RETREG1: variants seen among roughly 807,000 people sequenced by gnomAD.
RETREG1 encodes the protein reticulophagy regulator 1.
RETREG1 carries 44 observed loss-of-function variants against 54.8 expected under a neutral mutation model. The observed-to-expected ratio is 0.80, with a 90% confidence interval of 0.63 to 1.03. The LOEUF is 1.03. Ranked by LOEUF, RETREG1 falls within the 50% of genes least tolerant of loss-of-function variation. The pLI is 0.00. For missense variants in RETREG1, 554 were observed against 605.1 expected (o/e 0.92, Z 0.89); for synonymous variants, 217 against 238.5 (o/e 0.91, Z 0.83).
intron 6 of RETREG1, 100 bp downstream of exon 6, chr5:16,478,750 A>C: frequency 8.8e-7 from 1 of 1,131,442 alleles, no homozygotes; most frequent in South Asian, 1.3e-5. Context: ...ATATTTAGTA[A>C]AAAGCTAAAA....
intron 3 of RETREG1, among the ~76,000 whole-genome samples, chr5:16,527,022 G>A (rs1240379408): frequency 6.6e-6 from 1 of 152,250 alleles, no homozygotes; most frequent in Admixed American, 6.5e-5. Context: ...GGACAACTCT[G>A]CAAGGTGTGG....
At chr5:16,540,954 C>T (rs1285943982) in intron 3 of RETREG1, among the ~76,000 whole-genome samples, 2 of 152,202 alleles carry the variant, frequency 1.3e-5, no homozygotes, top group African/African-American at 4.8e-5. Context: ...AGTCAACTGA[C>T]AGGTAAACAA....
At chr5:16,602,776 G>C (rs771331426) in intron 1 of RETREG1, among the ~76,000 whole-genome samples, 1 of 152,128 alleles carries the variant, frequency 6.6e-6, no homozygotes, top group Non-Finnish European at 1.5e-5. Context: ...GGGAGGCCAA[G>C]GTGGGCAGAT....
At chr5:16,545,426 GA>G (rs1290734366) in intron 3 of RETREG1, among the ~76,000 whole-genome samples, 2 of 152,230 alleles carry the variant, frequency 1.3e-5, no homozygotes, top group Admixed American at 6.5e-5. Flanking sequence ...GTCCCTTAAG[GA>G]AGCTTTGGTG....
chr5:16,589,555 G>A (rs796407625), intron 1 of RETREG1, among the ~76,000 whole-genome samples: 6 of 152,032 alleles, frequency 3.9e-5, no homozygotes, highest in South Asian at 2.1e-4. Context: ...TAGTAGAGAC[G>A]GGGCTTCACC....
chr5:16,569,867 T>C (rs963073598), intron 2 of RETREG1, among the ~76,000 whole-genome samples: 1 of 152,180 alleles, frequency 6.6e-6, no homozygotes, highest in Non-Finnish European at 1.5e-5. Context: ...AAGTTTGACA[T>C]AGACAGAAGA....
At chr5:16,587,256 A>G (rs1482261046) in intron 1 of RETREG1, among the ~76,000 whole-genome samples, 1 of 152,194 alleles carries the variant, frequency 6.6e-6, no homozygotes, top group African/African-American at 2.4e-5. Context: ...TTGATGTGTA[A>G]TCAAAGCCCA....
At chr5:16,588,904 C>G (rs1205273531) in intron 1 of RETREG1, among the ~76,000 whole-genome samples, 3 of 152,196 alleles carry the variant, frequency 2.0e-5, no homozygotes, top group Non-Finnish European at 4.4e-5. Flanking sequence ...ATCTACTGAG[C>G]AGTGAATTAG....
intron 3 of RETREG1, among the ~76,000 whole-genome samples, chr5:16,531,989 A>G (rs1424506845): frequency 6.6e-6 from 1 of 152,180 alleles, no homozygotes; most frequent in Admixed American, 6.5e-5. Flanking sequence ...AGGTGCAGAC[A>G]TTGCTGGAAT....
intron 3 of RETREG1, among the ~76,000 whole-genome samples, chr5:16,528,079 G>A (rs1199369938): frequency 1.3e-5 from 2 of 151,944 alleles, no homozygotes; most frequent in Admixed American, 6.6e-5. Flanking sequence ...AAAATGCTGG[G>A]ATTACAGGCG....
chr5:16,599,136 A>C (rs1408182840), intron 1 of RETREG1, among the ~76,000 whole-genome samples: 1 of 152,186 alleles, frequency 6.6e-6, no homozygotes, highest in Admixed American at 6.5e-5. Flanking sequence ...TGAGCCCGGA[A>C]GTGGAGGTTG....
At chr5:16,571,903 A>T in intron 2 of RETREG1, 93 bp downstream of exon 2, 1 of 895,536 alleles carries the variant, frequency 1.1e-6, no homozygotes, top group Middle Eastern at 2.2e-4. Flanking sequence ...GCTTCTGTTC[A>T]AAGGACTAAT....
At chr5:16,609,941 A>C (rs1743293513) in intron 1 of RETREG1, among the ~76,000 whole-genome samples, 1 of 152,180 alleles carries the variant, frequency 6.6e-6, no homozygotes, top group Non-Finnish European at 1.5e-5. Context: ...CATGTATTGA[A>C]TCACCTAGAG....
At chr5:16,525,618 C>T (rs1740690890) in intron 3 of RETREG1, among the ~76,000 whole-genome samples, 1 of 152,174 alleles carries the variant, frequency 6.6e-6, no homozygotes, top group Admixed American at 6.5e-5. Flanking sequence ...TACAGATCCC[C>T]AGACAAACAT....
intron 1 of RETREG1, among the ~76,000 whole-genome samples, chr5:16,603,027 CA>C (rs937194767): frequency 6.6e-6 from 1 of 152,012 alleles, no homozygotes; most frequent in African/African-American, 2.4e-5. Flanking sequence ...AACAAACAAA[CA>C]AACAAAACAG....
chr5:16,480,447 T>C (rs1381385159), intron 5 of RETREG1, among the ~76,000 whole-genome samples: 3 of 152,152 alleles, frequency 2.0e-5, no homozygotes, highest in Non-Finnish European at 2.9e-5. Context: ...TTTATGTCTT[T>C]GTACTTTCAT....
At chr5:16,489,433 G>T (rs1218244301) in intron 3 of RETREG1, among the ~76,000 whole-genome samples, 1 of 152,192 alleles carries the variant, frequency 6.6e-6, no homozygotes, top group African/African-American at 2.4e-5. Context: ...GGTTCTGTAA[G>T]ACTAAGAAAT....
intron 1 of RETREG1, among the ~76,000 whole-genome samples, chr5:16,608,489 A>C (rs530478200): frequency 6.6e-6 from 1 of 152,322 alleles, no homozygotes; most frequent in South Asian, 2.1e-4. Flanking sequence ...AAATCTCACA[A>C]GACTTTCATC....
chr5:16,534,903 A>G (rs1162186516), intron 3 of RETREG1, among the ~76,000 whole-genome samples: 3 of 152,220 alleles, frequency 2.0e-5, no homozygotes, highest in Non-Finnish European at 4.4e-5. Flanking sequence ...GGGCATTTTT[A>G]CTGAGCATTT....
Sources: allele counts gnomAD v4.1 joint callset (sites outside exome capture counted in the v4.1 genomes callset), GRCh38; gene constraint gnomAD v4.1.1; transcripts MANE v1.5; gene names NCBI Gene and HGNC (gene_info 2026-07-23, HGNC 2026-07-21).